Variants in CENPU observed in about 807,000 individuals in gnomAD.
The protein encoded by CENPU is centromere protein U.
In CENPU, 46 loss-of-function variants were observed where a neutral mutation model predicts 56.7. The observed-to-expected ratio is 0.81, with a 90% confidence interval of 0.64 to 1.04. CENPU has a LOEUF of 1.04. Among genes scored for constraint, CENPU ranks in the 50% least tolerant of loss-of-function variants. CENPU has a pLI of 0.00. For missense variants in CENPU, 510 were observed against 490.1 expected, an observed-to-expected ratio of 1.04 and a Z score of -0.38; for synonymous variants, 166 against 163.0, an observed-to-expected ratio of 1.02 and a Z score of -0.14.
Position 184,697,623 on chromosome 4 carries a change from G to A in CENPU, c.1143+24C>T, listed in dbSNP as rs570733757. ...CTCCCACAATCATCTTCTGAAGCAT[G>A]GTAAAAAGTAAAATTGGAGTTACCG... is the stretch of plus-strand genomic sequence containing the variant. On this transcript the variant is annotated intron_variant, in intron 12 of 12. Coordinates refer to ENST00000281453, the MANE Select transcript of CENPU (RefSeq NM_024629.4). 6.0e-5 allele frequency: 97 copies of A among 1,609,224 alleles called. 2 individuals are homozygous for A. In the South Asian group the frequency reaches 1.0e-3, roughly 17 times the overall value.
At chr4:184,695,430 A>C in intron 12 of CENPU, 29 bp from the exon 13 acceptor site, 6 of 1,513,368 alleles carry the variant, frequency 4.0e-6, no homozygotes, top group Non-Finnish European at 5.5e-6. Context: ...ATAATTAGCA[A>C]TATCAAAAAC....
At chr4:184,732,948 T>A (rs1382219208) in intron 1 of CENPU, among the ~76,000 whole-genome samples, 1 of 141,392 alleles carries the variant, frequency 7.1e-6, no homozygotes, top group Non-Finnish European at 1.5e-5. Flanking sequence ...ATTGCGCCAC[T>A]GCACTCCAGC....
chr4:184,713,083 G>A (rs1760977839), intron 6 of CENPU, 70 bp from the exon 7 acceptor site: 1 of 976,716 alleles, frequency 1.0e-6, no homozygotes, highest in Admixed American at 2.1e-5. Flanking sequence ...GATTAAGACT[G>A]TCACCAAACT....
In CENPU at chr4:184,709,892, T is replaced by G. The variant is rs576049868; in HGVS notation, c.797+180A>C. On this transcript the variant is annotated intron_variant, in intron 8 of 12. Transcript: ENST00000281453. ...AATATAAATTTAAAAGTCTACATATTTGGGACAAATAAAAACATATGAATT... is the reference window on the plus strand; with the variant it reads ...AATATAAATTTAAAAGTCTACATATGTGGGACAAATAAAAACATATGAATT... 9.2e-5 allele frequency among the ~76,000 whole-genome samples: 14 copies of G among 151,900 alleles called. No individual in the cohort carries two copies. The East Asian group carries it at 2.5e-3, about 27-fold the overall frequency.
chr4:184,702,481 AT>A, intron 8 of CENPU, 40 bp from the exon 9 acceptor site: 1 of 1,459,146 alleles, frequency 6.9e-7, no homozygotes, highest in Non-Finnish European at 9.4e-7. Context: ...ACCATGATGG[AT>A]TTTGAAAGGT....
At chr4:184,727,931 T>C (rs1761514088) in intron 3 of CENPU, among the ~76,000 whole-genome samples, 1 of 152,026 alleles carries the variant, frequency 6.6e-6, no homozygotes, top group Non-Finnish European at 1.5e-5. Context: ...TGTCCAGAAA[T>C]GGCAAATCTG....
intron 3 of CENPU, among the ~76,000 whole-genome samples, chr4:184,726,854 C>T (rs752386592): frequency 1.1e-4 from 16 of 151,618 alleles, no homozygotes; most frequent in Non-Finnish European, 7.4e-5. Context: ...TTTGGGAGGC[C>T]GAGGCAGGTG....
intron 7 of CENPU, chr4:184,710,496 GCT>G (rs1491030522): frequency 1.7e-4 from 33 of 192,564 alleles, no homozygotes; most frequent in Non-Finnish European, 3.3e-4. Flanking sequence ...CTGGGGATAA[GCT>G]CTTCATTGTT....
intron 4 of CENPU, among the ~76,000 whole-genome samples, chr4:184,719,613 G>C (rs1437021194): frequency 2.0e-5 from 3 of 152,158 alleles, no homozygotes; most frequent in Non-Finnish European, 4.4e-5. Flanking sequence ...AGCTGGGCTT[G>C]GAGCCAGTGG....
intron 8 of CENPU, among the ~76,000 whole-genome samples, chr4:184,705,116 A>G (rs1300520030): frequency 6.6e-6 from 1 of 152,200 alleles, no homozygotes; most frequent in Non-Finnish European, 1.5e-5. Flanking sequence ...ACAAAAAAAA[A>G]TGTATCCAAA....
chr4:184,717,077 C>T (rs6552806), intron 5 of CENPU, 59 bp downstream of exon 5: 169,373 of 1,113,090 alleles, frequency 0.15, 14,146 homozygotes, highest in African/African-American at 0.26. Flanking sequence ...ATTTTCTGTA[C>T]TTGCATCCAA....
Position 184,700,076 on chromosome 4 carries a change from G to A in CENPU, c.986+744C>T, listed in dbSNP as rs149576779. On this transcript the variant is annotated intron_variant, in intron 11 of 12. Transcript: ENST00000281453. ...TCTCAAGCTATTTTTAAGCTCAGGAGCAGACACCACATCTAGCACTGTTTT... is the reference window on the plus strand; with the variant it reads ...TCTCAAGCTATTTTTAAGCTCAGGAACAGACACCACATCTAGCACTGTTTT... Among the ~76,000 whole-genome samples, 545 of 152,294 alleles carry A rather than the reference G, an allele frequency of 3.6e-3. 6 individuals carry two copies. Among genetic ancestry groups the A allele is most frequent in the African/African-American group, 0.013 (531 of 41,564 alleles).
At chr4:184,712,916 T>C in intron 7 of CENPU, 28 bp downstream of exon 7, 1 of 1,440,854 alleles carries the variant, frequency 6.9e-7, no homozygotes. Flanking sequence ...CCTGAATGAG[T>C]GACAAAGTAT....
At chr4:184,696,338 A>C (rs1760307568) in intron 12 of CENPU, among the ~76,000 whole-genome samples, 1 of 152,222 alleles carries the variant, frequency 6.6e-6, no homozygotes, top group South Asian at 2.1e-4. Flanking sequence ...AGGGACAGTT[A>C]ATACAAGAGG....
chr4:184,723,913 T>C (rs1189039402), intron 4 of CENPU, among the ~76,000 whole-genome samples: 3 of 150,226 alleles, frequency 2.0e-5, no homozygotes, highest in African/African-American at 7.4e-5. Flanking sequence ...ACTTCCCTAG[T>C]GTAGACAATC....
chr4:184,702,523 A>T (rs1760570269), intron 8 of CENPU, 82 bp from the exon 9 acceptor site: 11 of 925,482 alleles, frequency 1.2e-5, no homozygotes, highest in Non-Finnish European at 1.8e-5. Context: ...AAACAAACAT[A>T]CACATACAAT....
chr4:184,697,710 A>G lies in CENPU; in HGVS notation c.1080T>C (p.Asn360=). ...SLRNAAYFLS[N]LKQLYQDYSD... ...AATAATCTTGATAAAGCTGTTTTAA[A>G]TTAGATAAGAAATATGCTGCATTCC... The change falls in exon 12 of 13, where the codon AAT becomes AAC. Residue 360 remains asparagine, a synonymous_variant. Coordinates refer to ENST00000281453, the MANE Select transcript of CENPU (RefSeq NM_024629.4). 7 of 1,612,986 alleles carry G rather than the reference A, an allele frequency of 4.3e-6. No individual in the cohort carries two copies. In the South Asian group the frequency reaches 7.7e-5, roughly 18 times the overall value.
At position 184,694,610 on chromosome 4, in the gene CENPU, C is replaced by A. The variant is rs14969; in HGVS notation, c.*678G>T. The A allele has an allele frequency of 0.15, 247,462 of 1,613,054 alleles. 20,377 individuals are homozygous for A. The highest frequency in any genetic ancestry group is 0.27 in the African/African-American group (20,593 of 74,884). On this transcript the variant is annotated 3_prime_UTR_variant, in exon 13 of 13. Coordinates refer to ENST00000281453, the MANE Select transcript of CENPU (RefSeq NM_024629.4). Reference sequence around the variant, plus strand: ...AAACCATCACCTAGCAGGCTGTCAACAGGTGCATCTGCTGATGCTGTCTGG... The same window carrying A: ...AAACCATCACCTAGCAGGCTGTCAAAAGGTGCATCTGCTGATGCTGTCTGG...
Position 184,730,248 on chromosome 4 carries a change from C to T in CENPU, c.96+672G>A, listed in dbSNP as rs193012450. On this transcript the variant is annotated intron_variant, in intron 2 of 12. Transcript: ENST00000281453. ...GCTGAGAGAAATCCACCCAAAGAACCCGTGAAGTAATGCCGGGGTGGGAGC... is the reference window on the plus strand; with the variant it reads ...GCTGAGAGAAATCCACCCAAAGAACTCGTGAAGTAATGCCGGGGTGGGAGC... 1.1e-4 allele frequency among the ~76,000 whole-genome samples: 17 copies of T among 152,252 alleles called. No homozygotes were observed. In the East Asian group the frequency reaches 3.1e-3, roughly 28 times the overall value.
Sources: allele counts gnomAD v4.1 joint callset (sites outside exome capture counted in the v4.1 genomes callset), GRCh38; gene constraint gnomAD v4.1.1; transcripts MANE v1.5; gene names NCBI Gene and HGNC (gene_info 2026-07-23, HGNC 2026-07-21).